Variants in IL3RA observed in about 807,000 individuals in gnomAD.
IL3RA encodes the protein interleukin-3 receptor subunit alpha.
Under a neutral mutation model 52.3 loss-of-function variants are expected in IL3RA, and 73 were observed. The ratio of observed to expected loss-of-function variants is 1.40; its 90% CI spans 1.16 to 1.70. IL3RA has a LOEUF of 1.70. IL3RA is among the 40% of genes most tolerant of loss of function. The probability of loss-of-function intolerance (pLI) is 0.00; values close to 1 mark genes in which losing one functional copy is unlikely to be tolerated. For missense variants in IL3RA, 664 were observed against 504.4 expected, an observed-to-expected ratio of 1.32 and a Z score of -3.03; for synonymous variants, 260 against 194.0, an observed-to-expected ratio of 1.34 and a Z score of -2.83.
At chrX:1,344,320 G>A (rs1447173109) in intron 2 of IL3RA, among the ~76,000 whole-genome samples, 1 of 151,642 alleles carries the variant, frequency 6.6e-6, no homozygotes, top group Non-Finnish European at 1.5e-5. Context: ...TGTTATCCCA[G>A]CTGCACAGCA....
At chrX:1,347,718 A>AT (rs1227692856) in intron 3 of IL3RA, among the ~76,000 whole-genome samples, 2 of 151,862 alleles carry the variant, frequency 1.3e-5, no homozygotes, top group Non-Finnish European at 2.9e-5. Flanking sequence ...AAGTGGGATT[A>AT]TTTTTATTCA....
chrX:1,351,790 G>A (rs1418949458), intron 4 of IL3RA, among the ~76,000 whole-genome samples: 1 of 148,136 alleles, frequency 6.8e-6, no homozygotes, highest in Admixed American at 6.8e-5. Flanking sequence ...CATCACACCT[G>A]GCTAATTTTT....
intron 3 of IL3RA, among the ~76,000 whole-genome samples, chrX:1,348,155 T>C (rs2085852326): frequency 6.6e-6 from 1 of 150,768 alleles, no homozygotes; most frequent in East Asian, 1.9e-4. Flanking sequence ...GAGACCAGCC[T>C]GACCAACATG....
chrX:1,363,120 C>G (rs760697682), intron 8 of IL3RA, among the ~76,000 whole-genome samples: 1 of 151,474 alleles, frequency 6.6e-6, no homozygotes, highest in African/African-American at 2.4e-5. Flanking sequence ...CATTTAGGGC[C>G]CCCCCTGATC....
In IL3RA at chrX:1,352,234, T is replaced by C. The variant is rs1420204101; in HGVS notation, c.431+2T>C. 5.0e-6 allele frequency: 8 copies of C among 1,613,488 alleles called. No individual in the cohort carries two copies. Among genetic ancestry groups the C allele is most frequent in the Non-Finnish European group, 5.9e-6 (7 of 1,179,730 alleles). On this transcript the variant is annotated splice_donor_variant, in intron 5 of 11. Transcript: ENST00000331035. LOFTEE classifies it high-confidence loss of function. ...CGACCTGTACTTGAACGTTGCCAAG[T>C]AGGTGTGCCCGTGGGCAGAGGCCGG...
At chrX:1,345,091 C>T (rs1206253337) in intron 2 of IL3RA, among the ~76,000 whole-genome samples, 1 of 151,272 alleles carries the variant, frequency 6.6e-6, no homozygotes, top group African/African-American at 2.4e-5. Context: ...GTTGCTTGAA[C>T]CAGGAGGCGG....
rs200159913 is a variant in IL3RA, at chrX:1,378,691, G to T, written c.907G>T (p.Ala303Ser). The part of the protein sequence containing the change: ...CDQEEGANTR[A>S]WRTSLLIALG... The stretch of plus-strand genomic sequence containing the variant: ...CCAGGAGGAGGGCGCAAACACACGT[G>T]CCTGGCGGACGTCGCTGCTGATCGC... Residue 303 changes from alanine (A) to serine (S), a missense_variant, in exon 10 of 12, where the codon GCC (alanine) becomes TCC (serine). By Grantham distance (99) the Ala-to-Ser change is moderately conservative. Transcript: ENST00000331035. 3.1e-6 allele frequency: 5 copies of T among 1,612,732 alleles called. No homozygotes were observed. The highest frequency in any genetic ancestry group is 1.3e-5 in the African/African-American group (1 of 75,038).
intron 1 of IL3RA, among the ~76,000 whole-genome samples, chrX:1,341,022 C>T (rs1294049229): frequency 1.3e-5 from 2 of 152,160 alleles, no homozygotes; most frequent in Non-Finnish European, 2.9e-5. Flanking sequence ...GAGGCTGAGG[C>T]AGGACAATCG....
intron 9 of IL3RA, 92 bp from the exon 10 acceptor site, chrX:1,378,565 CCT>C (rs1328753093): frequency 3.7e-6 from 4 of 1,095,612 alleles, no homozygotes; most frequent in Non-Finnish European, 5.4e-6. Flanking sequence ...ATGGCAGCCA[CCT>C]CTCTGCTTCC....
At chrX:1,348,025 A>T (rs1480899132) in intron 3 of IL3RA, among the ~76,000 whole-genome samples, 2 of 102,698 alleles carry the variant, frequency 1.9e-5, no homozygotes, top group Non-Finnish European at 3.8e-5. Context: ...CGACAGAGCG[A>T]GACTCCCTCT....
At chrX:1,366,103 C>G (rs867486641) in intron 9 of IL3RA, among the ~76,000 whole-genome samples, 42 of 370 alleles carry the variant, frequency 0.11, no homozygotes, top group African/African-American at 0.17. Flanking sequence ...GGGTGCGCGG[C>G]GTGAGCCGGG....
At chrX:1,380,330 G>A (rs1251932694) in intron 10 of IL3RA, among the ~76,000 whole-genome samples, 1 of 142,068 alleles carries the variant, frequency 7.0e-6, no homozygotes, top group Non-Finnish European at 1.5e-5. Context: ...GACCAGCCAG[G>A]CCCTGTTTCC....
At chrX:1,363,072 G>A (rs1372342748) in intron 8 of IL3RA, among the ~76,000 whole-genome samples, 3 of 151,904 alleles carry the variant, frequency 2.0e-5, no homozygotes, top group Non-Finnish European at 4.4e-5. Context: ...CACCGCGCCC[G>A]GCCACGTCTC....
At chrX:1,370,901 C>A in intron 9 of IL3RA, among the ~76,000 whole-genome samples, 1 of 28,588 alleles carries the variant, frequency 3.5e-5, no homozygotes, top group Non-Finnish European at 6.1e-5. Context: ...GCCTCCAGGG[C>A]TGTGGGAGAA....
At position 1,378,621 on chromosome X, in the gene IL3RA, G is replaced by A. The variant is rs376353335; in HGVS notation, c.875-38G>A. On this transcript the variant is annotated intron_variant, in intron 9 of 11. Transcript: ENST00000331035. ...TTACAGTCCCTGGTCCCCCCAGGAC[G>A]GCCCCCGGTCTGTGACCCTCTCACC... 3.6e-5 allele frequency: 57 copies of A among 1,564,256 alleles called. 1 individual carries two copies. The South Asian group carries it at 4.7e-4, about 13-fold the overall frequency.
At chrX:1,368,428 T>TAGAAAAATTAGGTC (rs1415571012) in intron 9 of IL3RA, among the ~76,000 whole-genome samples, 1 of 151,750 alleles carries the variant, frequency 6.6e-6, no homozygotes, top group Non-Finnish European at 1.5e-5. Flanking sequence ...CTACTAAAAA[T>TAGAAAAATTAGGTC]AGAAAAATTA....
At position 1,336,934 on chromosome X, in the gene IL3RA, C is replaced by T. The variant is rs2085346273; in HGVS notation, c.-39+8C>T. On this transcript the variant is annotated splice_region_variant and intron_variant, in intron 1 of 11. Coordinates refer to ENST00000331035, the MANE Select transcript of IL3RA (RefSeq NM_002183.4). Reference sequence around the variant, plus strand: ...CTTTGATCTCCATTTAAGGTAAGGTCCCCCCTCCAGGGTGGGATGAGGGAA... The same window carrying T: ...CTTTGATCTCCATTTAAGGTAAGGTTCCCCCTCCAGGGTGGGATGAGGGAA... 6.6e-6 allele frequency: 1 copy of T among 152,202 alleles called. No homozygotes were observed. Among genetic ancestry groups the T allele is most frequent in the Admixed American group, 6.6e-5 (1 of 15,252 alleles). 9.4% of individuals were successfully genotyped at this position (152,202 alleles called of 1,614,324 possible). A position where few individuals can be genotyped will look rare whatever the true frequency, so the allele number is the denominator to read the frequency against.
intron 11 of IL3RA, among the ~76,000 whole-genome samples, chrX:1,381,985 C>T (rs2089199141): frequency 6.6e-6 from 1 of 151,634 alleles, no homozygotes; most frequent in South Asian, 2.1e-4. Flanking sequence ...TTGTTCGTTG[C>T]CCCGGCTGGA....
At chrX:1,364,352 G>A (rs747980608) in intron 8 of IL3RA, among the ~76,000 whole-genome samples, 172 of 146,406 alleles carry the variant, frequency 1.2e-3, no homozygotes, top group Non-Finnish European at 2.2e-3. Flanking sequence ...TTAACCGAGC[G>A]TGGTGGTGGG....
Sources: gnomAD v4.1 joint callset for allele counts (sites outside exome capture counted in the v4.1 genomes callset) on GRCh38, gnomAD v4.1.1 for gene constraint, MANE v1.5 for transcripts, NCBI Gene and HGNC (gene_info 2026-07-23, HGNC 2026-07-21) for gene names.